URB1: variants seen among roughly 807,000 people sequenced by gnomAD.
URB1 encodes the protein nucleolar pre-ribosomal-associated protein 1.
URB1 carries 197 observed loss-of-function variants against 242.3 expected under a neutral mutation model. The ratio of observed to expected loss-of-function variants is 0.81; its 90% CI spans 0.72 to 0.91. URB1 has a LOEUF of 0.91. Among genes scored for constraint, URB1 ranks in the 40% least tolerant of loss-of-function variants. The pLI, the probability that URB1 is intolerant of heterozygous loss-of-function variation, is 0.00. For synonymous variants in URB1, 1,153 were observed against 1,201.8 expected (o/e 0.96, Z 0.84); for missense variants, 2,721 against 2,860.5 (o/e 0.95, Z 1.11).
chr21:32,342,461 G>A (rs764848593), intron 24 of URB1, among the ~76,000 whole-genome samples: 43 of 152,204 alleles, frequency 2.8e-4, no homozygotes, highest in Middle Eastern at 3.4e-3. Flanking sequence ...TCTCACACTC[G>A]TGACTTTTTT....
chr21:32,375,152 GC>G (rs138672179), intron 6 of URB1, among the ~76,000 whole-genome samples: 1,974 of 152,318 alleles, frequency 0.013, 52 homozygotes, highest in African/African-American at 0.044. Flanking sequence ...CTTTTCTGCT[GC>G]TGTAATAAAA....
chr21:32,345,364 G>C lies in URB1; in HGVS notation c.4070+10C>G, dbSNP rs1282531653. 8 of 1,549,670 alleles carry C rather than the reference G, an allele frequency of 5.2e-6. No homozygotes were observed. In the African/African-American group the frequency reaches 1.1e-4, roughly 21 times the overall value. On this transcript the variant is annotated intron_variant, in intron 23 of 38. Coordinates refer to ENST00000382751, the MANE Select transcript of URB1 (RefSeq NM_014825.3). ...GTGGAACATCCTGCAACCAACCTGA[G>C]CCTTCATACCTCTTGTGACTGCTTG...
intron 19 of URB1, 150 bp from the exon 20 acceptor site, chr21:32,351,072 T>G: frequency 1.2e-6 from 1 of 842,332 alleles, no homozygotes. Flanking sequence ...GTGTGGCATT[T>G]TACTTCAGTA....
At chr21:32,373,859 T>C in intron 6 of URB1, 87 bp from the exon 7 acceptor site, 1 of 1,210,452 alleles carries the variant, frequency 8.3e-7, no homozygotes. Flanking sequence ...TGCTTACTGT[T>C]TTCTCATCAT....
chr21:32,361,783 G>T (rs1311158576), intron 12 of URB1, 109 bp downstream of exon 12: 4 of 1,431,590 alleles, frequency 2.8e-6, no homozygotes, highest in Admixed American at 5.8e-5. Flanking sequence ...GAGGTGCCTT[G>T]AAACAAAAAC....
At chr21:32,339,225 C>T (rs1041559025) in intron 25 of URB1, among the ~76,000 whole-genome samples, 5 of 152,180 alleles carry the variant, frequency 3.3e-5, no homozygotes, top group African/African-American at 1.2e-4. Flanking sequence ...AATTCCTGAC[C>T]TCAGGTGAGC....
intron 6 of URB1, among the ~76,000 whole-genome samples, chr21:32,374,695 CATCCTGG>C (rs1308891959): frequency 6.6e-6 from 1 of 152,206 alleles, no homozygotes; most frequent in African/African-American, 2.4e-5. Context: ...TTATGGGGGC[CATCCTGG>C]GCATTACAGG....
At chr21:32,322,221 C>T (rs2032775599) in intron 33 of URB1, among the ~76,000 whole-genome samples, 1 of 152,010 alleles carries the variant, frequency 6.6e-6, no homozygotes, top group Admixed American at 6.6e-5. Context: ...ATATTTAACC[C>T]AGTGATTCAC....
intron 24 of URB1, among the ~76,000 whole-genome samples, chr21:32,342,037 ATTTTT>A (rs34365187): frequency 1.3e-5 from 2 of 151,750 alleles, no homozygotes; most frequent in Non-Finnish European, 2.9e-5. Context: ...AAGGTTTTGG[ATTTTT>A]TTTTTTAACT....
At chr21:32,387,912 G>T (rs954946264) in intron 1 of URB1, among the ~76,000 whole-genome samples, 1 of 152,076 alleles carries the variant, frequency 6.6e-6, no homozygotes, top group Non-Finnish European at 1.5e-5. Flanking sequence ...TGAGAGTTTC[G>T]AGATCCTTCT....
At chr21:32,366,480 T>A in intron 10 of URB1, 138 bp downstream of exon 10, 1 of 1,225,134 alleles carries the variant, frequency 8.2e-7, no homozygotes, top group Middle Eastern at 2.9e-4. Flanking sequence ...AACTACAGCC[T>A]CTGTCCTGGA....
chr21:32,337,252 G>A (rs1459040792), intron 27 of URB1, 95 bp from the exon 28 acceptor site: 2 of 1,405,454 alleles, frequency 1.4e-6, no homozygotes. Flanking sequence ...TGCTCAAATG[G>A]CCCGGTCCTC....
At chr21:32,379,258 G>T (rs970679909) in intron 4 of URB1, among the ~76,000 whole-genome samples, 1 of 152,152 alleles carries the variant, frequency 6.6e-6, no homozygotes, top group African/African-American at 2.4e-5. Flanking sequence ...ATCACTCCTC[G>T]TTTTGTATCT....
Position 32,345,439 on chromosome 21 carries a change from G to GA in URB1, c.4004_4005insT (p.Lys1336GlnfsTer66), listed in dbSNP as rs2033076206. 2 of 1,551,536 alleles carry GA rather than the reference G, an allele frequency of 1.3e-6. No individual in the cohort carries two copies. Among genetic ancestry groups the GA allele is most frequent in the Non-Finnish European group, 1.7e-6 (2 of 1,146,976 alleles). ...GGTCCATGAGTACACTGAGATCCTTGGCTCGTGCAAACGGGACCAGCTGTG... is the reference window on the plus strand; with the variant it reads ...GGTCCATGAGTACACTGAGATCCTTGAGCTCGTGCAAACGGGACCAGCTGTG... On this transcript the variant is annotated frameshift_variant, in exon 23 of 39. Coordinates refer to ENST00000382751, the MANE Select transcript of URB1 (RefSeq NM_014825.3). LOFTEE classifies it high-confidence loss of function.
At chr21:32,373,882 G>C (rs2033431916) in intron 6 of URB1, 110 bp from the exon 7 acceptor site, 1 of 1,144,626 alleles carries the variant, frequency 8.7e-7, no homozygotes, top group Non-Finnish European at 1.2e-6. Flanking sequence ...TAAAAATAAT[G>C]CTTGCTAGTG....
chr21:32,320,566 G>C lies in URB1; in HGVS notation c.5559C>G (p.Ser1853Arg). The change falls in exon 35 of 39, where the codon AGC (serine) becomes AGG (arginine). Residue 1853 changes from serine (S) to arginine (R), a missense_variant. Coordinates refer to ENST00000382751, the MANE Select transcript of URB1 (RefSeq NM_014825.3). The part of the protein sequence containing the change: ...RSAYEIIRDY[S>R]LLTWILHILE... ...GGATGTGTAAAATCCATGTTAAAAG[G>C]CTATAGTCTCGTATGATTTCATACG... 1.3e-6 allele frequency: 2 copies of C among 1,552,018 alleles called. No homozygotes were observed. Among genetic ancestry groups the C allele is most frequent in the Non-Finnish European group, 1.7e-6 (2 of 1,147,030 alleles).
chr21:32,345,678 G>A, intron 22 of URB1, 103 bp from the exon 23 acceptor site: 1 of 1,234,250 alleles, frequency 8.1e-7, no homozygotes, highest in Non-Finnish European at 1.1e-6. Flanking sequence ...GGTATCCTGT[G>A]ACCCTGGTGA....
At position 32,316,629 on chromosome 21, in the gene URB1, A is replaced by C. The variant is rs1029176778; in HGVS notation, c.6471T>G (p.Cys2157Trp). ...SSIFRLYSRL[C>W]GAEGLAGPVQ... ...CAGGCCCTGCCAGCCCCTCAGCCCCACAGAGCCGGCTATACAGCCTGAATA... is the reference window on the plus strand; with the variant it reads ...CAGGCCCTGCCAGCCCCTCAGCCCCCCAGAGCCGGCTATACAGCCTGAATA... Residue 2157 changes from cysteine to tryptophan, a missense_variant, in exon 38 of 39, where the codon TGT becomes TGG. Physicochemically the swap from Cys to Trp is radical, Grantham distance 215. Transcript: ENST00000382751. 14 of 1,551,370 alleles carry C rather than the reference A, an allele frequency of 9.0e-6. No individual in the cohort carries two copies. Among genetic ancestry groups the C allele is most frequent in the Admixed American group, 2.0e-5 (1 of 50,978 alleles).
chr21:32,392,216 G>T (rs2033647107), intron 1 of URB1, among the ~76,000 whole-genome samples: 1 of 152,202 alleles, frequency 6.6e-6, no homozygotes, highest in African/African-American at 2.4e-5. Context: ...GCGAAGGGTG[G>T]TCACACTTTA....
Sources: gnomAD v4.1 joint callset for allele counts (sites outside exome capture counted in the v4.1 genomes callset) on GRCh38, gnomAD v4.1.1 for gene constraint, MANE v1.5 for transcripts, NCBI Gene and HGNC (gene_info 2026-07-23, HGNC 2026-07-21) for gene names.